Variants in FMN1 observed in about 807,000 individuals in gnomAD.
The protein encoded by FMN1 is formin 1.
Under a neutral mutation model 132.4 loss-of-function variants are expected in FMN1, and 110 were observed. That is an observed-to-expected ratio of 0.83 (90% CI 0.71 to 0.97). The LOEUF (loss-of-function observed/expected upper bound fraction) is 0.97, where lower values mean the gene tolerates loss of function less well. Ranked by LOEUF, FMN1 falls within the 50% of genes least tolerant of loss-of-function variation. FMN1 has a pLI of 0.00. For missense variants in FMN1, 1,792 were observed against 1,705.3 expected (o/e 1.05, Z -0.90); for synonymous variants, 722 against 651.7 (o/e 1.11, Z -1.64).
intron 9 of FMN1, among the ~76,000 whole-genome samples, chr15:32,948,330 C>A (rs542792185): frequency 1.3e-5 from 2 of 151,984 alleles, no homozygotes; most frequent in East Asian, 3.9e-4. Context: ...TGCTAATATT[C>A]TGGTTAAGAT....
chr15:32,902,578 T>A (rs184673945), intron 12 of FMN1, among the ~76,000 whole-genome samples: 2 of 152,360 alleles, frequency 1.3e-5, no homozygotes, highest in Admixed American at 6.5e-5. Context: ...CTCCAGATAT[T>A]TGTTTACTTT....
intron 7 of FMN1, among the ~76,000 whole-genome samples, chr15:33,006,267 G>C (rs1448625624): frequency 6.6e-6 from 1 of 152,002 alleles, no homozygotes; most frequent in Non-Finnish European, 1.5e-5. Flanking sequence ...ACATACAAAA[G>C]GGTCAACCAA....
intron 4 of FMN1, among the ~76,000 whole-genome samples, chr15:33,095,928 A>G (rs189575275): frequency 1.2e-3 from 181 of 152,098 alleles, no homozygotes; most frequent in African/African-American, 4.2e-3. Context: ...TGATTTTTTT[A>G]AAAACTTCCT....
At chr15:32,870,269 T>G (rs926832566) in intron 16 of FMN1, among the ~76,000 whole-genome samples, 1 of 152,214 alleles carries the variant, frequency 6.6e-6, no homozygotes, top group African/African-American at 2.4e-5. Context: ...TAGGGCTACT[T>G]TGATCACGTG....
chr15:33,082,612 A>G (rs2038526951), intron 5 of FMN1, among the ~76,000 whole-genome samples: 1 of 152,164 alleles, frequency 6.6e-6, no homozygotes, highest in African/African-American at 2.4e-5. Flanking sequence ...CTCTGACTAT[A>G]TTCAGTTGCC....
At chr15:32,890,168 T>C (rs1204204286) in intron 15 of FMN1, among the ~76,000 whole-genome samples, 1 of 152,170 alleles carries the variant, frequency 6.6e-6, no homozygotes, top group Non-Finnish European at 1.5e-5. Context: ...TAATCACTCT[T>C]TGACTGATGG....
At position 33,073,234 on chromosome 15, in the gene FMN1, G is replaced by GC. The variant is rs548972887; in HGVS notation, c.2044-8161dup. Among the ~76,000 whole-genome samples the GC allele has an allele frequency of 1.1e-3, 168 of 152,278 alleles. 1 individual carries two copies. Among genetic ancestry groups the GC allele is most frequent in the African/African-American group, 3.5e-3 (144 of 41,576 alleles). On this transcript the variant is annotated intron_variant, in intron 5 of 20. Coordinates refer to ENST00000616417, the MANE Select transcript of FMN1 (RefSeq NM_001277313.2). ...ACGTGAAAGTAAAGCAAACAGGATC[G>GC]CATCTCACTGTTAGGCTACTTGTCA... is the stretch of plus-strand genomic sequence containing the variant.
chr15:33,128,055 C>G (rs16965359), intron 4 of FMN1, among the ~76,000 whole-genome samples: 4,833 of 151,768 alleles, frequency 0.032, 251 homozygotes, highest in African/African-American at 0.11. Flanking sequence ...GGTCAGGTGA[C>G]AGAAAGGACA....
chr15:33,158,718 C>T (rs1316274379), intron 3 of FMN1, among the ~76,000 whole-genome samples: 2 of 152,180 alleles, frequency 1.3e-5, no homozygotes, highest in Non-Finnish European at 2.9e-5. Context: ...TCCTAAGCTA[C>T]TTACTTATAC....
At chr15:33,110,635 C>T (rs891984431) in intron 4 of FMN1, among the ~76,000 whole-genome samples, 1 of 151,724 alleles carries the variant, frequency 6.6e-6, no homozygotes, top group Non-Finnish European at 1.5e-5. Flanking sequence ...CTCACATTGA[C>T]GCTTCTTTTT....
intron 4 of FMN1, among the ~76,000 whole-genome samples, chr15:33,128,272 G>A (rs1377517020): frequency 6.6e-6 from 1 of 152,154 alleles, no homozygotes; most frequent in African/African-American, 2.4e-5. Context: ...ATAATTAGAA[G>A]CGCAACAGTT....
At chr15:33,047,001 C>G (rs1368111313) in intron 6 of FMN1, among the ~76,000 whole-genome samples, 1 of 152,148 alleles carries the variant, frequency 6.6e-6, no homozygotes, top group South Asian at 2.1e-4. Flanking sequence ...TGCTGCAGTT[C>G]CCTGAAACAA....
intron 17 of FMN1, among the ~76,000 whole-genome samples, chr15:32,853,080 A>T (rs1282268781): frequency 6.6e-6 from 1 of 152,216 alleles, no homozygotes; most frequent in Non-Finnish European, 1.5e-5. Context: ...CAGGGCGGTA[A>T]CAGTACTCAC....
At chr15:32,914,808 G>A (rs1440140850) in intron 10 of FMN1, among the ~76,000 whole-genome samples, 1 of 152,190 alleles carries the variant, frequency 6.6e-6, no homozygotes, top group Non-Finnish European at 1.5e-5. Flanking sequence ...TAGGTTTAGG[G>A]GAAGAGCTTT....
chr15:32,874,242 C>G (rs969052136), intron 16 of FMN1, among the ~76,000 whole-genome samples: 2 of 152,000 alleles, frequency 1.3e-5, no homozygotes, highest in Middle Eastern at 3.4e-3. Context: ...AGGCTGGTCT[C>G]AAACTCCTGA....
At chr15:33,100,993 C>A (rs1023012343) in intron 4 of FMN1, among the ~76,000 whole-genome samples, 5 of 152,084 alleles carry the variant, frequency 3.3e-5, no homozygotes, top group Non-Finnish European at 7.4e-5. Flanking sequence ...TAAAAGAGAT[C>A]AAAATGTTAG....
intron 6 of FMN1, among the ~76,000 whole-genome samples, chr15:33,040,023 CTCAGCA>C (rs758001147): frequency 6.6e-6 from 1 of 152,198 alleles, no homozygotes; most frequent in Non-Finnish European, 1.5e-5. Flanking sequence ...GTCCAAAGTG[CTCAGCA>C]TGGCATGCCA....
chr15:33,067,950 C>T, intron 5 of FMN1: 4 of 1,528,838 alleles, frequency 2.6e-6, no homozygotes, highest in South Asian at 1.3e-5. Context: ...TCAGTTTATC[C>T]ACTCCATCTG....
At chr15:32,776,716 T>A in intron 20 of FMN1, 119 bp downstream of exon 20, 1 of 545,880 alleles carries the variant, frequency 1.8e-6, no homozygotes, top group Non-Finnish European at 3.2e-6. Context: ...AACCATATGC[T>A]ACTCTGGGAT....
Sources: gnomAD v4.1 joint callset for allele counts (sites outside exome capture counted in the v4.1 genomes callset) on GRCh38, gnomAD v4.1.1 for gene constraint, MANE v1.5 for transcripts, NCBI Gene and HGNC (gene_info 2026-07-23, HGNC 2026-07-21) for gene names.